The following MYOM1 variants were observed in gnomAD, a reference collection of about 807,000 sequenced individuals.
MYOM1 encodes myomesin-1.
MYOM1 carries 164 observed loss-of-function variants against 205.3 expected under a neutral mutation model. That is an observed-to-expected ratio of 0.80 (90% CI 0.70 to 0.91). MYOM1 has a LOEUF of 0.91. Ranked by LOEUF, MYOM1 falls within the 40% of genes least tolerant of loss-of-function variation. The probability of loss-of-function intolerance (pLI) is 0.00; values close to 1 mark genes in which losing one functional copy is unlikely to be tolerated. For missense variants in MYOM1, 2,011 were observed against 2,127.3 expected (o/e 0.95, Z 1.08); for synonymous variants, 772 against 789.4 (o/e 0.98, Z 0.37).
intron 36 of MYOM1, among the ~76,000 whole-genome samples, chr18:3,072,874 G>A (rs775793589): frequency 2.6e-4 from 40 of 151,916 alleles, no homozygotes; most frequent in Admixed American, 1.4e-3. Context: ...GCCTCCAAGC[G>A]TAGCTTGGCC....
In MYOM1 at chr18:3,075,745, AT is replaced by A; in HGVS notation, c.4664del (p.Tyr1555LeufsTer7). ...DLSGQAYDEA[Y>X]AEFQRLKQAA... ...CTTACTTCAACCTCTGGAATTCAGC[AT>A]AGGCCTCATCGTATGCTTTAAAAGA... On this transcript the variant is annotated frameshift_variant, in exon 35 of 38. Transcript: ENST00000356443. LOFTEE classifies it high-confidence loss of function. The A allele has an allele frequency of 6.3e-7, 1 of 1,598,172 alleles. No individual in the cohort carries two copies. Among genetic ancestry groups the A allele is most frequent in the Non-Finnish European group, 8.5e-7 (1 of 1,171,382 alleles).
At chr18:3,222,942 T>C (rs983216833), upstream of MYOM1, among the ~76,000 whole-genome samples, 1 of 152,082 alleles carries the variant, frequency 6.6e-6, no homozygotes, top group African/African-American at 2.4e-5. Flanking sequence ...AATGCAGTGG[T>C]GCAATCTTGG....
At chr18:3,079,368 T>A in intron 33 of MYOM1, 26 bp from the exon 34 acceptor site, 1 of 1,595,480 alleles carries the variant, frequency 6.3e-7, no homozygotes, top group Non-Finnish European at 8.6e-7. Flanking sequence ...AAAACTTCCT[T>A]AGCATTTGCT....
chr18:3,090,408 C>A (rs187093953), intron 27 of MYOM1, among the ~76,000 whole-genome samples: 1 of 151,648 alleles, frequency 6.6e-6, no homozygotes, highest in Admixed American at 6.6e-5. Flanking sequence ...TTAATAGAGG[C>A]GGGGTTTCAC....
chr18:3,155,547 CA>C (rs987330558), intron 10 of MYOM1, among the ~76,000 whole-genome samples: 1 of 152,204 alleles, frequency 6.6e-6, no homozygotes, highest in African/African-American at 2.4e-5. Context: ...TGTTGACCAA[CA>C]TAACAATGTG....
intron 5 of MYOM1, among the ~76,000 whole-genome samples, chr18:3,176,556 T>C (rs756235480): frequency 1.3e-5 from 2 of 152,198 alleles, no homozygotes; most frequent in South Asian, 2.1e-4. Flanking sequence ...ATAATGTTTA[T>C]TGATTTGGGT....
chr18:3,114,544 ATTTTTT>A lies in MYOM1; in HGVS notation c.3303+1781_3303+1786del, dbSNP rs5822738. On this transcript the variant is annotated intron_variant, in intron 21 of 37. Coordinates refer to ENST00000356443, the MANE Select transcript of MYOM1 (RefSeq NM_003803.4). ...AGGCACATGCCACCATGGTCAGCTA[ATTTTTT>A]TTTTTTTTTTTTTTTTTTTAGAGAC... Among the ~76,000 whole-genome samples the A allele has an allele frequency of 7.2e-3, 638 of 88,356 alleles. 9 individuals carry two copies. The highest frequency in any genetic ancestry group is 0.034 in the Middle Eastern group (5 of 146). 58.0% of individuals were successfully genotyped at this position (88,356 alleles called of 152,430 possible).
chr18:3,190,065 C>T (rs555277819), intron 3 of MYOM1, among the ~76,000 whole-genome samples: 36 of 151,966 alleles, frequency 2.4e-4, no homozygotes, highest in Admixed American at 6.6e-4. Flanking sequence ...GAAGTGGTGA[C>T]GTTTATAAAT....
At chr18:3,147,196 T>C (rs1385871099) in intron 13 of MYOM1, among the ~76,000 whole-genome samples, 1 of 145,526 alleles carries the variant, frequency 6.9e-6, no homozygotes, top group Non-Finnish European at 1.5e-5. Context: ...CTCTAACTTT[T>C]TGTCAGAGTT....
intron 2 of MYOM1, among the ~76,000 whole-genome samples, chr18:3,203,393 T>C (rs183791419): frequency 6.6e-6 from 1 of 151,738 alleles, no homozygotes; most frequent in East Asian, 1.9e-4. Flanking sequence ...TTTGCTAAAT[T>C]GACTACAAAT....
chr18:3,136,958 T>C (rs1255153381), intron 14 of MYOM1, among the ~76,000 whole-genome samples: 1 of 151,238 alleles, frequency 6.6e-6, no homozygotes, highest in Non-Finnish European at 1.5e-5. Flanking sequence ...CTTTTTTCTT[T>C]TTTTTTTTTT....
Position 3,085,151 on chromosome 18 carries a change from A to T in MYOM1, c.4252-19T>A, listed in dbSNP as rs767736888. The stretch of plus-strand genomic sequence containing the variant: ...TGGAAAACTAAGGGGGAATAGATAT[A>T]CCACATTGCACCTTTCGTAGCCCCA... On this transcript the variant is annotated intron_variant, in intron 30 of 37. Transcript: ENST00000356443. 2 of 1,561,950 alleles carry T rather than the reference A, an allele frequency of 1.3e-6. No homozygotes were observed. Among genetic ancestry groups the T allele is most frequent in the East Asian group, 4.7e-5 (2 of 43,006 alleles).
intron 21 of MYOM1, among the ~76,000 whole-genome samples, chr18:3,115,819 G>A (rs1028688986): frequency 1.3e-5 from 2 of 152,144 alleles, no homozygotes; most frequent in Non-Finnish European, 2.9e-5. Context: ...TGGATAAGGG[G>A]GTTGAGTGAA....
rs775832198 is a variant in MYOM1 at position 3,067,503 on chromosome 18, C to A, written c.4817G>T (p.Trp1606Leu). The A allele has an allele frequency of 3.7e-6, 6 of 1,613,850 alleles. No individual in the cohort carries two copies. In the South Asian group the frequency reaches 5.5e-5, roughly 15 times the overall value. ...VWGDPPPEVS[W>L]LKNEKALASD... ...GGCCAGGGCCTTCTCGTTCTTCAACCACGACACCTCCGGAGGCGGGTCTCC... is the reference window on the plus strand; with the variant it reads ...GGCCAGGGCCTTCTCGTTCTTCAACAACGACACCTCCGGAGGCGGGTCTCC... The change falls in exon 38 of 38, where the codon TGG becomes TTG. Residue 1606 changes from tryptophan to leucine, a missense_variant. Trp to Leu is a moderately conservative substitution (Grantham distance 61). Coordinates refer to ENST00000356443, the MANE Select transcript of MYOM1 (RefSeq NM_003803.4).
At chr18:3,120,063 CATTTT>C (rs760703760) in intron 19 of MYOM1, 68 bp from the exon 20 acceptor site, 3 of 1,504,248 alleles carry the variant, frequency 2.0e-6, no homozygotes, top group Non-Finnish European at 2.7e-6. Flanking sequence ...ACTTGTTGAG[CATTTT>C]ATTTATTTAC....
rs370219060 is a variant in MYOM1, at chr18:3,187,620, T to C, written c.789A>G (p.Thr263=). The change falls in exon 5 of 38, where the codon ACA becomes ACG. Residue 263 remains threonine, a synonymous_variant. Transcript: ENST00000356443. ...SLRKTLEETE[T]YHAKLNEDHL... ...GGTCTTCATTCAGCTTGGCATGATA[T>C]GTCTCGGTTTCTTCTAACTGAAAAA... 3.1e-6 allele frequency: 5 copies of C among 1,604,300 alleles called. No individual in the cohort carries two copies. The African/African-American group carries it at 4.0e-5, about 13-fold the overall frequency.
At position 3,066,860 on chromosome 18, in the gene MYOM1, G is replaced by A. The variant is rs929561718; in HGVS notation, c.*402C>T. Reference sequence around the variant, plus strand: ...TTTATTCATACAGAGGAGGTTCCAAGCCACGAGGCGCCCGTCGAAAAGCAC... The same window carrying A: ...TTTATTCATACAGAGGAGGTTCCAAACCACGAGGCGCCCGTCGAAAAGCAC... On this transcript the variant is annotated 3_prime_UTR_variant, in exon 38 of 38. Transcript: ENST00000356443. 3 of 179,254 alleles carry A rather than the reference G, an allele frequency of 1.7e-5. No homozygotes were observed. The highest frequency in any genetic ancestry group is 7.1e-5 in the African/African-American group (3 of 42,438). The allele number at this position is 179,254 out of a possible 1,614,324, so 11.1% of individuals were successfully genotyped here.
chr18:3,102,547 C>T lies in MYOM1; in HGVS notation c.3502G>A (p.Glu1168Lys), dbSNP rs765967318. 52 of 1,613,754 alleles carry T rather than the reference C, an allele frequency of 3.2e-5. No homozygotes were observed. Among genetic ancestry groups the T allele is most frequent in the Non-Finnish European group, 4.0e-5 (47 of 1,179,860 alleles). Residue 1168 changes from glutamate to lysine, a missense_variant, in exon 23 of 38, where the codon GAG becomes AAG. Transcript: ENST00000356443. ...ACATAATCTTTGGACCAGGAGAACT[C>T]GGACTTTGGAGTCATCTTATCACAC... is the stretch of plus-strand genomic sequence containing the variant. Reference protein sequence around the residue: ...FECDKMTPKSEFSWSKDYVST... With the variant: ...FECDKMTPKSKFSWSKDYVST...
chr18:3,154,890 T>C, intron 11 of MYOM1, 57 bp downstream of exon 11: 1 of 1,547,732 alleles, frequency 6.5e-7, no homozygotes. Flanking sequence ...ATGGGAGAAA[T>C]CAAGCACGCA....
Sources: allele counts gnomAD v4.1 joint callset (sites outside exome capture counted in the v4.1 genomes callset), GRCh38; gene constraint gnomAD v4.1.1; transcripts MANE v1.5; gene names NCBI Gene and HGNC (gene_info 2026-07-23, HGNC 2026-07-21).